Variants in HIF1A observed in about 807,000 individuals in gnomAD.
HIF1A encodes hypoxia inducible factor 1 subunit alpha.
In HIF1A, 24 loss-of-function variants were observed where a neutral mutation model predicts 92.7. That is an observed-to-expected ratio of 0.26 (90% CI 0.19 to 0.36). HIF1A has a LOEUF of 0.36. Among genes scored for constraint, HIF1A ranks in the 10% least tolerant of loss-of-function variants. The pLI is 1.00. For synonymous variants in HIF1A, 319 were observed against 338.7 expected (o/e 0.94, Z 0.64); for missense variants, 799 against 998.5 (o/e 0.80, Z 2.69).
chr14:61,696,447 T>G (rs2044117548), intron 1 of HIF1A, among the ~76,000 whole-genome samples: 1 of 152,252 alleles, frequency 6.6e-6, no homozygotes, highest in Non-Finnish European at 1.5e-5. Context: ...CATTAGGGAT[T>G]TGCCGCGATG....
intron 13 of HIF1A, 33 bp downstream of exon 13, chr14:61,744,846 C>T (rs375093021): frequency 2.1e-6 from 2 of 952,842 alleles, no homozygotes; most frequent in African/African-American, 3.5e-5. Context: ...GCTTTTCTAG[C>T]TAATGTGCTA....
In HIF1A at chr14:61,747,954, C is replaced by T. The variant is rs773972883; in HGVS notation, c.*869C>T. 1.3e-5 allele frequency: 2 copies of T among 152,172 alleles called. No individual in the cohort carries two copies. The highest frequency in any genetic ancestry group is 1.5e-5 in the Non-Finnish European group (1 of 67,904). 9.4% of individuals were successfully genotyped at this position (152,172 alleles called of 1,614,324 possible). ...CCTGTTGGTATAAAGATATTTTGAG[C>T]AGACTGTAAACAAGAAAAAAAAAAT... On this transcript the variant is annotated 3_prime_UTR_variant, in exon 15 of 15. Coordinates refer to ENST00000337138, the MANE Select transcript of HIF1A (RefSeq NM_001530.4).
chr14:61,740,349 G>A (rs1594886134), intron 10 of HIF1A, 156 bp from the exon 11 acceptor site: 5 of 539,440 alleles, frequency 9.3e-6, no homozygotes, highest in Non-Finnish European at 1.6e-5. Flanking sequence ...ACAGGCGTGA[G>A]CCACTGAGCC....
At chr14:61,715,333 T>C (rs2044351785) in intron 1 of HIF1A, among the ~76,000 whole-genome samples, 1 of 152,236 alleles carries the variant, frequency 6.6e-6, no homozygotes, top group Non-Finnish European at 1.5e-5. Context: ...TGGTTCTGAG[T>C]TTCTCTGAAT....
chr14:61,722,514 C>T (rs940150675), intron 4 of HIF1A, among the ~76,000 whole-genome samples: 1 of 152,288 alleles, frequency 6.6e-6, no homozygotes, highest in Admixed American at 6.5e-5. Context: ...GGATTATAGG[C>T]ATGCGCCACC....
rs201250108 is a variant in HIF1A at position 61,700,003 on chromosome 14, C to A, written c.35+4164C>A. Among the ~76,000 whole-genome samples, 61 of 151,902 alleles carry A rather than the reference C, an allele frequency of 4.0e-4. No homozygotes were observed. In the East Asian group the frequency reaches 0.01, roughly 26 times the overall value. ...GTTTTCTGCAGTAGAAATTTATAAACCCTTATTTATTTGCCAGACATGATC... is the reference window on the plus strand; with the variant it reads ...GTTTTCTGCAGTAGAAATTTATAAAACCTTATTTATTTGCCAGACATGATC... On this transcript the variant is annotated intron_variant, in intron 1 of 14. Transcript: ENST00000337138.
intron 12 of HIF1A, among the ~76,000 whole-genome samples, chr14:61,742,366 G>A (rs2140158410): frequency 6.6e-6 from 1 of 152,248 alleles, no homozygotes; most frequent in South Asian, 2.1e-4. Context: ...TTTTTTCCCT[G>A]CCTAACATTC....
chr14:61,725,198 A>C (rs1241807490), intron 4 of HIF1A, among the ~76,000 whole-genome samples: 2 of 152,118 alleles, frequency 1.3e-5, no homozygotes. Flanking sequence ...TCTTTAAAGC[A>C]TTTTTATAAG....
chr14:61,729,323 A>AT (rs2044545377), intron 6 of HIF1A, among the ~76,000 whole-genome samples: 1 of 151,950 alleles, frequency 6.6e-6, no homozygotes, highest in Admixed American at 6.6e-5. Context: ...TTAGCTGGGT[A>AT]TGGGGGCACA....
chr14:61,699,506 A>G (rs961150283), intron 1 of HIF1A, among the ~76,000 whole-genome samples: 14 of 151,944 alleles, frequency 9.2e-5, no homozygotes, highest in African/African-American at 2.7e-4. Context: ...TTTGGTGGTG[A>G]AATAAAAATT....
chr14:61,701,059 T>C (rs185520813), intron 1 of HIF1A, among the ~76,000 whole-genome samples: 2 of 152,358 alleles, frequency 1.3e-5, no homozygotes, highest in Non-Finnish European at 1.5e-5. Context: ...TAAAATAGTG[T>C]ACACCTGTTC....
At chr14:61,709,613 T>C (rs2044283681) in intron 1 of HIF1A, among the ~76,000 whole-genome samples, 1 of 152,154 alleles carries the variant, frequency 6.6e-6, no homozygotes, top group Non-Finnish European at 1.5e-5. Context: ...GCCGTTTAGA[T>C]AATAATGATC....
intron 1 of HIF1A, among the ~76,000 whole-genome samples, chr14:61,718,382 C>T (rs1034705345): frequency 3.9e-5 from 6 of 152,068 alleles, no homozygotes; most frequent in African/African-American, 1.4e-4. Context: ...AATCTATTTC[C>T]CACAGCTATC....
intron 5 of HIF1A, among the ~76,000 whole-genome samples, chr14:61,727,217 G>C (rs2044516501): frequency 6.6e-6 from 1 of 152,200 alleles, no homozygotes; most frequent in Non-Finnish European, 1.5e-5. Flanking sequence ...AAGCAGCCTA[G>C]ACTTTATACG....
intron 8 of HIF1A, among the ~76,000 whole-genome samples, chr14:61,735,737 G>A (rs891614808): frequency 1.3e-5 from 2 of 152,090 alleles, no homozygotes; most frequent in Non-Finnish European, 2.9e-5. Context: ...TCCTGTAGGT[G>A]GTATCACCTT....
At chr14:61,746,877 T>A (rs978995639) in intron 14 of HIF1A, 57 bp from the exon 15 acceptor site, 22 of 1,360,116 alleles carry the variant, frequency 1.6e-5, no homozygotes, top group Non-Finnish European at 2.2e-5. Flanking sequence ...TGTGGGTGTT[T>A]AATAAATATT....
chr14:61,730,743 C>T (rs553816450), intron 6 of HIF1A, among the ~76,000 whole-genome samples: 3 of 152,208 alleles, frequency 2.0e-5, no homozygotes, highest in Admixed American at 2.0e-4. Context: ...AGATTAGCCA[C>T]GTATTGAGTT....
chr14:61,735,942 A>G (rs1159863586), intron 8 of HIF1A, among the ~76,000 whole-genome samples: 2 of 151,498 alleles, frequency 1.3e-5, no homozygotes, highest in Non-Finnish European at 2.9e-5. Context: ...TTGACTACAA[A>G]TTGCCTTGCC....
At position 61,724,002 on chromosome 14, in the gene HIF1A, T is replaced by A. The variant is rs546100756; in HGVS notation, c.457+2179T>A. Among the ~76,000 whole-genome samples the A allele has an allele frequency of 8.5e-4, 130 of 152,276 alleles. 1 individual carries two copies. Among genetic ancestry groups the A allele is most frequent in the Non-Finnish European group, 1.4e-3 (95 of 68,018 alleles). On this transcript the variant is annotated intron_variant, in intron 4 of 14. Transcript: ENST00000337138. ...GCCAGTGGTGTGTTTATACAAATAGTCCTATTTTCCAAATAAATTCTAGAA... is the reference window on the plus strand; with the variant it reads ...GCCAGTGGTGTGTTTATACAAATAGACCTATTTTCCAAATAAATTCTAGAA...
Sources: allele counts gnomAD v4.1 joint callset (sites outside exome capture counted in the v4.1 genomes callset), GRCh38; gene constraint gnomAD v4.1.1; transcripts MANE v1.5; gene names NCBI Gene and HGNC (gene_info 2026-07-23, HGNC 2026-07-21).